SMAP2: variants seen among roughly 807,000 people sequenced by gnomAD.
The protein encoded by SMAP2 is stromal membrane-associated protein 2.
Under a neutral mutation model 56.4 loss-of-function variants are expected in SMAP2, and 25 were observed. The observed-to-expected ratio is 0.44, with a 90% CI of 0.32 to 0.62. SMAP2 has a LOEUF of 0.62. Ranked by LOEUF, SMAP2 falls within the 20% of genes least tolerant of loss-of-function variation. The pLI is 0.04. For synonymous variants in SMAP2, 157 were observed against 181.7 expected (o/e 0.86, Z 1.09); for missense variants, 388 against 545.6 (o/e 0.71, Z 2.88).
intron 1 of SMAP2, among the ~76,000 whole-genome samples, chr1:40,400,547 A>G (rs1644822218): frequency 6.6e-6 from 1 of 152,170 alleles, no homozygotes. Context: ...GATTTGACAG[A>G]TATTTTTGTC....
chr1:40,364,097 A>G (rs1182700524), intron 2 of SMAP2, among the ~76,000 whole-genome samples: 2 of 152,204 alleles, frequency 1.3e-5, no homozygotes. Flanking sequence ...AAACTGATTA[A>G]CATATGGCTT....
Position 40,422,081 on chromosome 1 carries a change from A to G in SMAP2, c.1270A>G (p.Ser424Gly), listed in dbSNP as rs199643074. Residue 424 changes from serine to glycine, a missense_variant, in exon 10 of 10, where the codon AGT becomes GGT. By Grantham distance (56) the Ser-to-Gly change is moderately conservative. Coordinates refer to ENST00000372718, the MANE Select transcript of SMAP2 (RefSeq NM_022733.3). ...TGGACAGGCAGCAAATCAGACTCTC[A>G]GTCCTCAGATGTGGAAATAAAAACA... ...GNGQAANQTLSPQMWK is the reference protein window; with the variant it reads ...GNGQAANQTLGPQMWK 1.1e-5 allele frequency: 17 copies of G among 1,614,020 alleles called. No homozygotes were observed. In the Admixed American group the frequency reaches 2.8e-4, roughly 27 times the overall value.
chr1:40,391,595 T>C (rs1370802461), intron 1 of SMAP2, among the ~76,000 whole-genome samples: 1 of 152,146 alleles, frequency 6.6e-6, no homozygotes, highest in Non-Finnish European at 1.5e-5. Context: ...AGTATTATGA[T>C]AGTTATCCCT....
At chr1:40,378,982 T>TTTTC (rs1491500176) in intron 1 of SMAP2, among the ~76,000 whole-genome samples, 35 of 52,170 alleles carry the variant, frequency 6.7e-4, no homozygotes, top group Middle Eastern at 0.011. Flanking sequence ...TTTTCTTTTC[T>TTTTC]TTTTTTTTTT....
chr1:40,416,031 T>G, intron 7 of SMAP2, 145 bp from the exon 8 acceptor site: 1 of 759,808 alleles, frequency 1.3e-6, no homozygotes, highest in Non-Finnish European at 2.2e-6. Flanking sequence ...TTCAGATAGT[T>G]GAATGGTAAA....
At chr1:40,347,240 G>GTGGT (rs58284805) in intron 1 of SMAP2, among the ~76,000 whole-genome samples, 15 of 88,400 alleles carry the variant, frequency 1.7e-4, no homozygotes, top group African/African-American at 5.6e-4. Context: ...GTGTGTGTGT[G>GTGGT]TTTTGTTTTT....
chr1:40,417,937 A>AAAAT lies in SMAP2; in HGVS notation c.1164+841_1164+842insAAAT, dbSNP rs1391606229. Among the ~76,000 whole-genome samples, 14 of 152,320 alleles carry AAAAT rather than the reference A, an allele frequency of 9.2e-5. 1 individual carries two copies. Among genetic ancestry groups the AAAAT allele is most frequent in the East Asian group, 5.8e-4 (3 of 5,192 alleles). On this transcript the variant is annotated intron_variant, in intron 9 of 9. Transcript: ENST00000372718. Reference sequence around the variant, plus strand: ...TATTATTGCTGATTGAGAAAAAATAAGACCTTACAAAAATGAACCAAACAT... The same window carrying AAAAT: ...TATTATTGCTGATTGAGAAAAAATAAAAATGACCTTACAAAAATGAACCAAACAT...
chr1:40,412,905 G>A (rs187249886), intron 4 of SMAP2, 111 bp from the exon 5 acceptor site: 4 of 761,938 alleles, frequency 5.2e-6, no homozygotes, highest in East Asian at 5.6e-5. Flanking sequence ...AGACACTTAC[G>A]TCAGAATCAA....
chr1:40,380,873 CAGA>C (rs2124227492), intron 1 of SMAP2, among the ~76,000 whole-genome samples: 2 of 152,230 alleles, frequency 1.3e-5, no homozygotes, highest in Non-Finnish European at 2.9e-5. Context: ...CGTGAAACAA[CAGA>C]AGGAGTTCTG....
At chr1:40,393,278 G>A (rs182516118) in intron 1 of SMAP2, 5 of 1,481,956 alleles carry the variant, frequency 3.4e-6, no homozygotes, top group African/African-American at 2.8e-5. Flanking sequence ...CTGCACTCTA[G>A]CTTGGGCAAC....
At chr1:40,352,383 C>A (rs750530566) in intron 1 of SMAP2, among the ~76,000 whole-genome samples, 34 of 152,220 alleles carry the variant, frequency 2.2e-4, no homozygotes, top group Non-Finnish European at 3.8e-4. Context: ...TCTGCATTTT[C>A]ATGCATTTTA....
At chr1:40,357,603 C>G (rs759035540) in intron 1 of SMAP2, among the ~76,000 whole-genome samples, 1 of 152,050 alleles carries the variant, frequency 6.6e-6, no homozygotes, top group Non-Finnish European at 1.5e-5. Context: ...GTTTGATTTT[C>G]GTATATGGTG....
intron 1 of SMAP2, among the ~76,000 whole-genome samples, chr1:40,345,371 C>T (rs1055681179): frequency 4.0e-5 from 6 of 151,070 alleles, no homozygotes; most frequent in African/African-American, 1.2e-4. Flanking sequence ...CCAGCCTAGG[C>T]AAGACCCTGT....
intron 1 of SMAP2, among the ~76,000 whole-genome samples, chr1:40,377,352 A>G (rs1644550735): frequency 6.6e-6 from 1 of 152,202 alleles, no homozygotes; most frequent in Non-Finnish European, 1.5e-5. Context: ...TGTTCTTTTT[A>G]CTTCGTACAA....
chr1:40,405,662 T>C (rs1051015646), intron 1 of SMAP2, among the ~76,000 whole-genome samples: 2 of 152,200 alleles, frequency 1.3e-5, no homozygotes, highest in South Asian at 2.1e-4. Context: ...ATCACACTTA[T>C]TTTATGTGGT....
chr1:40,422,302 C>A lies in SMAP2; in HGVS notation c.*201C>A. On this transcript the variant is annotated 3_prime_UTR_variant, in exon 10 of 10. Transcript: ENST00000372718. The stretch of plus-strand genomic sequence containing the variant: ...CTGTTGCTTTATGTTGTACATGCCC[C>A]ATAGCCATCCCAACGTCCTCCCCAG... 1 of 618,374 alleles carries A rather than the reference C, an allele frequency of 1.6e-6. No homozygotes were observed. The highest frequency in any genetic ancestry group is 2.7e-6 in the Non-Finnish European group (1 of 370,164). 38.3% of individuals were successfully genotyped at this position (618,374 alleles called of 1,614,324 possible).
chr1:40,382,763 GTA>G (rs1644610909), intron 1 of SMAP2, among the ~76,000 whole-genome samples: 1 of 152,196 alleles, frequency 6.6e-6, no homozygotes, highest in African/African-American at 2.4e-5. Context: ...TCCCTAGAAT[GTA>G]AGCTAGGGGG....
intron 2 of SMAP2, among the ~76,000 whole-genome samples, chr1:40,407,847 C>A (rs1304808867): frequency 6.6e-6 from 1 of 152,100 alleles, no homozygotes; most frequent in Admixed American, 6.6e-5. Context: ...ATGCTGTTAG[C>A]TTGGTGGGCT....
chr1:40,389,025 C>T (rs903998295), intron 1 of SMAP2, among the ~76,000 whole-genome samples: 3 of 152,024 alleles, frequency 2.0e-5, no homozygotes, highest in African/African-American at 4.8e-5. Context: ...GAAGAAACTC[C>T]GAACACATCC....
Sources: allele counts gnomAD v4.1 joint callset (sites outside exome capture counted in the v4.1 genomes callset), GRCh38; gene constraint gnomAD v4.1.1; transcripts MANE v1.5; gene names NCBI Gene and HGNC (gene_info 2026-07-23, HGNC 2026-07-21).